The following RGS7 variants were observed in gnomAD, a reference collection of about 807,000 sequenced individuals.
RGS7 encodes regulator of G protein signaling 7.
In RGS7, 27 loss-of-function variants were observed where a neutral mutation model predicts 81.1. The ratio of observed to expected loss-of-function variants is 0.33; its 90% CI spans 0.25 to 0.46. The LOEUF (loss-of-function observed/expected upper bound fraction) is 0.46. Ranked by LOEUF, RGS7 falls within the 20% of genes least tolerant of loss-of-function variation. The pLI is 1.00. For synonymous variants in RGS7, 208 were observed against 207.7 expected, an observed-to-expected ratio of 1.00 and a Z score of -0.01; for missense variants, 396 against 607.4, an observed-to-expected ratio of 0.65 and a Z score of 3.66.
intron 9 of RGS7, among the ~76,000 whole-genome samples, chr1:240,857,170 G>A (rs1318061599): frequency 1.3e-5 from 2 of 152,066 alleles, no homozygotes; most frequent in Non-Finnish European, 2.9e-5. Context: ...CTCCTATGAT[G>A]TGCCCTCTGT....
At chr1:241,169,597 C>T (rs2070573549) in intron 2 of RGS7, among the ~76,000 whole-genome samples, 1 of 152,028 alleles carries the variant, frequency 6.6e-6, no homozygotes, top group Admixed American at 6.6e-5. Flanking sequence ...CCTGCCTCGG[C>T]CTCCCAAAGT....
intron 3 of RGS7, among the ~76,000 whole-genome samples, chr1:241,008,549 C>A (rs1159572021): frequency 6.6e-6 from 1 of 152,130 alleles, no homozygotes; most frequent in Non-Finnish European, 1.5e-5. Flanking sequence ...AATGGGGCTT[C>A]TGTGTTTGAA....
intron 3 of RGS7, among the ~76,000 whole-genome samples, chr1:240,991,716 A>G (rs1686487811): frequency 6.6e-6 from 1 of 152,226 alleles, no homozygotes; most frequent in Non-Finnish European, 1.5e-5. Flanking sequence ...AAATAAAACA[A>G]GTAATAAGTG....
At chr1:240,976,998 T>C (rs1337505697) in intron 4 of RGS7, among the ~76,000 whole-genome samples, 1 of 148,492 alleles carries the variant, frequency 6.7e-6, no homozygotes, top group Admixed American at 6.6e-5. Flanking sequence ...CATTTATCTA[T>C]CATCTATCAT....
At chr1:241,240,877 G>T (rs2076229122) in intron 2 of RGS7, among the ~76,000 whole-genome samples, 1 of 152,124 alleles carries the variant, frequency 6.6e-6, no homozygotes, top group Admixed American at 6.5e-5. Context: ...CTCATATTTT[G>T]CACTCTTCTG....
At chr1:241,194,409 C>G (rs558121581) in intron 2 of RGS7, among the ~76,000 whole-genome samples, 3 of 152,142 alleles carry the variant, frequency 2.0e-5, no homozygotes, top group Non-Finnish European at 4.4e-5. Context: ...ACAACTGGTG[C>G]TAAATCAGAT....
chr1:241,231,516 G>A (rs933704200), intron 2 of RGS7, among the ~76,000 whole-genome samples: 1 of 151,480 alleles, frequency 6.6e-6, no homozygotes, highest in South Asian at 2.1e-4. Flanking sequence ...GCACCACCAC[G>A]CCTGGCTAAT....
At chr1:241,250,591 C>T (rs2076782539) in intron 2 of RGS7, among the ~76,000 whole-genome samples, 1 of 152,124 alleles carries the variant, frequency 6.6e-6, no homozygotes, top group South Asian at 2.1e-4. Flanking sequence ...TTCTCTCTTA[C>T]TCCTCCTATT....
intron 3 of RGS7, among the ~76,000 whole-genome samples, chr1:241,021,893 A>C (rs1041754401): frequency 6.6e-6 from 1 of 152,144 alleles, no homozygotes; most frequent in Admixed American, 6.5e-5. Context: ...TCAACCTGAG[A>C]AAAATGGTGG....
chr1:240,809,458 G>A (rs1048425390), intron 14 of RGS7, among the ~76,000 whole-genome samples: 3 of 152,162 alleles, frequency 2.0e-5, no homozygotes, highest in African/African-American at 7.2e-5. Context: ...CCTTCAGTGT[G>A]TGACACAGAT....
chr1:241,347,613 G>A (rs2082981411), intron 2 of RGS7, among the ~76,000 whole-genome samples: 1 of 152,104 alleles, frequency 6.6e-6, no homozygotes, highest in African/African-American at 2.4e-5. Context: ...GAGATGCTAT[G>A]AAATAGAGAT....
At chr1:241,010,391 A>C (rs184120107) in intron 3 of RGS7, among the ~76,000 whole-genome samples, 1 of 152,286 alleles carries the variant, frequency 6.6e-6, no homozygotes, top group Admixed American at 6.5e-5. Flanking sequence ...TAAACAGTTA[A>C]GGCAAAAGTG....
intron 2 of RGS7, among the ~76,000 whole-genome samples, chr1:241,183,104 G>C (rs549240531): frequency 6.6e-6 from 1 of 152,152 alleles, no homozygotes; most frequent in African/African-American, 2.4e-5. Flanking sequence ...CAGTCTGCTG[G>C]CTGGGTTCTT....
intron 4 of RGS7, among the ~76,000 whole-genome samples, chr1:240,980,532 A>G (rs577136797): frequency 6.6e-6 from 1 of 152,328 alleles, no homozygotes; most frequent in South Asian, 2.1e-4. Flanking sequence ...TGATAGAGTT[A>G]AAACTAGACT....
At chr1:241,150,226 A>C (rs1036724892) in intron 2 of RGS7, among the ~76,000 whole-genome samples, 6 of 152,244 alleles carry the variant, frequency 3.9e-5, no homozygotes, top group African/African-American at 1.4e-4. Flanking sequence ...AATATAAACT[A>C]TAGTGATCAA....
At position 241,328,905 on chromosome 1, in the gene RGS7, AT is replaced by A. The variant is rs535410740; in HGVS notation, c.78+26793del. ...CAACTGGTCTACCAGGGATAGCATG[AT>A]TTTTTTTTTCTTCTCTGCAATACCT... On this transcript the variant is annotated intron_variant, in intron 2 of 18. Transcript: ENST00000440928. 5.4e-3 allele frequency among the ~76,000 whole-genome samples: 812 copies of A among 150,912 alleles called. 9 individuals are homozygous for A. Among genetic ancestry groups the A allele is most frequent in the African/African-American group, 0.018 (747 of 41,166 alleles).
At chr1:240,803,362 T>A (rs550983708) in intron 15 of RGS7, among the ~76,000 whole-genome samples, 1 of 152,274 alleles carries the variant, frequency 6.6e-6, no homozygotes, top group South Asian at 2.1e-4. Context: ...AAGTGGGTAA[T>A]GTTGACTCAG....
At chr1:241,161,876 C>T (rs1362537865) in intron 2 of RGS7, among the ~76,000 whole-genome samples, 1 of 151,982 alleles carries the variant, frequency 6.6e-6, no homozygotes, top group Non-Finnish European at 1.5e-5. Context: ...TGCTACCACG[C>T]CTGGCTAATT....
chr1:241,224,901 G>T (rs1301209056), intron 2 of RGS7, among the ~76,000 whole-genome samples: 1 of 152,156 alleles, frequency 6.6e-6, no homozygotes, highest in African/African-American at 2.4e-5. Flanking sequence ...GTTTGATTTG[G>T]AGATGACCTA....
Sources: allele counts gnomAD v4.1 joint callset (sites outside exome capture counted in the v4.1 genomes callset), GRCh38; gene constraint gnomAD v4.1.1; transcripts MANE v1.5; gene names NCBI Gene and HGNC (gene_info 2026-07-23, HGNC 2026-07-21).